IL19: variants seen among roughly 807,000 people sequenced by gnomAD.
IL19 encodes interleukin 19, also known as interleukin-19.
A neutral mutation model predicts 19.5 loss-of-function variants in IL19; 15 were observed. The observed-to-expected ratio is 0.77, with a 90% CI of 0.52 to 1.19. IL19 has a LOEUF of 1.19. IL19 is among the 50% of genes most tolerant of loss of function. The pLI, the probability that IL19 is intolerant of heterozygous loss-of-function variation, is 0.00. For missense variants in IL19, 199 were observed against 213.1 expected (o/e 0.93, Z 0.41); for synonymous variants, 78 against 78.3 (o/e 1.00, Z 0.02).
At chr1:206,803,125 A>G (rs1425427126) in intron 2 of IL19, among the ~76,000 whole-genome samples, 1 of 152,148 alleles carries the variant, frequency 6.6e-6, no homozygotes. Flanking sequence ...TCTTCAAAAC[A>G]TCTTTTTGTG....
chr1:206,813,542 C>T (rs1676071129), intron 2 of IL19, among the ~76,000 whole-genome samples: 1 of 152,190 alleles, frequency 6.6e-6, no homozygotes, highest in South Asian at 2.1e-4. Flanking sequence ...ACAACAAGCA[C>T]TGGCCAAGCA....
chr1:206,808,567 G>C (rs1423286045), intron 2 of IL19, among the ~76,000 whole-genome samples: 1 of 151,814 alleles, frequency 6.6e-6, no homozygotes, highest in Non-Finnish European at 1.5e-5. Flanking sequence ...AAAAAACTAG[G>C]TGAGCAGAGA....
In IL19 at chr1:206,770,821, G is replaced by T; in HGVS notation, c.-406G>T. On this transcript the variant is annotated 5_prime_UTR_variant, in exon 1 of 7. Transcript: ENST00000659997. ...CTCTGCCAGTCTGTGTCTTTGCTGT[G>T]TCTGTGGATGTGAGTGTCCCTGCTG... 7.9e-7 allele frequency: 1 copy of T among 1,273,824 alleles called. No homozygotes were observed. The highest frequency in any genetic ancestry group is 1.2e-6 in the Non-Finnish European group (1 of 868,242). The allele number at this position is 1,273,824 out of a possible 1,614,324, so 78.9% of individuals were successfully genotyped here.
intron 1 of IL19, among the ~76,000 whole-genome samples, chr1:206,772,956 C>T (rs770684613): frequency 6.6e-6 from 1 of 152,214 alleles, no homozygotes; most frequent in Non-Finnish European, 1.5e-5. Context: ...CACCTTAGGT[C>T]TCTGGGCCTT....
chr1:206,801,670 C>G (rs1394327119), intron 2 of IL19, among the ~76,000 whole-genome samples: 1 of 152,266 alleles, frequency 6.6e-6, no homozygotes, highest in Non-Finnish European at 1.5e-5. Context: ...GCTGTCCCAG[C>G]ACTTTTGAGT....
chr1:206,788,453 G>A (rs1304722192), intron 1 of IL19, among the ~76,000 whole-genome samples: 1 of 152,104 alleles, frequency 6.6e-6, no homozygotes, highest in African/African-American at 2.4e-5. Flanking sequence ...TAAGGCTCAA[G>A]TCTCCTGATA....
At chr1:206,792,019 A>G (rs1315224375) in intron 1 of IL19, among the ~76,000 whole-genome samples, 4 of 152,028 alleles carry the variant, frequency 2.6e-5, no homozygotes, top group African/African-American at 9.7e-5. Flanking sequence ...GCCTTTCCCA[A>G]CATTTAAGAT....
chr1:206,798,662 C>A (rs951315661), intron 1 of IL19, among the ~76,000 whole-genome samples, 199 bp from the exon 2 acceptor site: 5 of 151,966 alleles, frequency 3.3e-5, no homozygotes, highest in African/African-American at 1.2e-4. Context: ...CACAGCGCAC[C>A]GAGAAACACC....
At chr1:206,842,083 G>A (rs999844942) in intron 6 of IL19, among the ~76,000 whole-genome samples, 11 of 152,128 alleles carry the variant, frequency 7.2e-5, no homozygotes, top group African/African-American at 2.4e-4. Flanking sequence ...ACTTGCTCTA[G>A]GGGCTTTAGT....
intron 2 of IL19, among the ~76,000 whole-genome samples, chr1:206,804,266 A>G (rs1004018709): frequency 1.3e-5 from 2 of 152,230 alleles, no homozygotes; most frequent in East Asian, 1.9e-4. Context: ...ATTGGATAAC[A>G]TCTGTCCGAG....
chr1:206,836,999 A>G lies in IL19; in HGVS notation c.186A>G (p.Thr62=). 6.2e-7 allele frequency: 1 copy of G among 1,613,830 alleles called. No individual in the cohort carries two copies. Among genetic ancestry groups the G allele is most frequent in the African/African-American group, 1.3e-5 (1 of 75,030 alleles). Residue 62 remains threonine (T), a synonymous_variant, in exon 4 of 7, where the codon ACA becomes ACG. Coordinates refer to ENST00000659997, the MANE Select transcript of IL19 (RefSeq NM_153758.5). ...TCCCAAATGTCACTATCCTGTCCAC[A>G]TTGGAGACTCTGCAGATCATTAAGG... The part of the protein sequence containing the change: ...DTFPNVTILS[T]LETLQIIKPL...
At chr1:206,815,826 A>G (rs1247874414) in intron 2 of IL19, among the ~76,000 whole-genome samples, 2 of 152,240 alleles carry the variant, frequency 1.3e-5, no homozygotes, top group African/African-American at 4.8e-5. Context: ...TTTAAAGTAC[A>G]GTAAGTCCTC....
intron 1 of IL19, among the ~76,000 whole-genome samples, chr1:206,772,842 C>T (rs1282193572): frequency 2.6e-5 from 4 of 152,232 alleles, no homozygotes; most frequent in African/African-American, 4.8e-5. Flanking sequence ...GTCACAGTGA[C>T]GTGGACAAAT....
chr1:206,798,644 C>T (rs1675592339), intron 1 of IL19, among the ~76,000 whole-genome samples: 1 of 151,700 alleles, frequency 6.6e-6, no homozygotes, highest in South Asian at 2.1e-4. Flanking sequence ...TACCAAATGT[C>T]AGAGTCCCAC....
chr1:206,789,316 C>A (rs562330173), intron 1 of IL19, among the ~76,000 whole-genome samples: 263 of 152,280 alleles, frequency 1.7e-3, no homozygotes, highest in African/African-American at 6.2e-3. Flanking sequence ...ACATTGTACC[C>A]AACAGGTAAT....
At chr1:206,800,739 A>T (rs1464808915) in intron 2 of IL19, among the ~76,000 whole-genome samples, 1 of 152,238 alleles carries the variant, frequency 6.6e-6, no homozygotes, top group African/African-American at 2.4e-5. Flanking sequence ...TGAGACATTT[A>T]GTATATCTGG....
chr1:206,819,528 G>A (rs981830969), intron 2 of IL19, among the ~76,000 whole-genome samples: 5 of 151,074 alleles, frequency 3.3e-5, no homozygotes, highest in Admixed American at 1.3e-4. Context: ...AGGTTGCAGT[G>A]AGCCAAGATG....
At chr1:206,803,183 A>G (rs1371304599) in intron 2 of IL19, among the ~76,000 whole-genome samples, 1 of 152,142 alleles carries the variant, frequency 6.6e-6, no homozygotes, top group African/African-American at 2.4e-5. Context: ...GAGTCTACAC[A>G]TTGAGGGCCT....
chr1:206,771,416 C>T (rs759551600), intron 1 of IL19: 1 of 1,606,038 alleles, frequency 6.2e-7, no homozygotes, highest in Non-Finnish European at 8.5e-7. Flanking sequence ...CCTTCATTTG[C>T]TGCAGGAAGA....
Sources: allele counts gnomAD v4.1 joint callset (sites outside exome capture counted in the v4.1 genomes callset), GRCh38; gene constraint gnomAD v4.1.1; transcripts MANE v1.5; gene names NCBI Gene and HGNC (gene_info 2026-07-23, HGNC 2026-07-21).